Variants in CLK4 observed in about 807,000 individuals in gnomAD.
CLK4 encodes CDC like kinase 4, also known as dual specificity protein kinase CLK4.
In CLK4, 37 loss-of-function variants were observed where a neutral mutation model predicts 64.4. That is an observed-to-expected ratio of 0.57 (90% confidence interval 0.44 to 0.76). The LOEUF (loss-of-function observed/expected upper bound fraction) is 0.76. Among genes scored for constraint, CLK4 ranks in the 30% least tolerant of loss-of-function variants. The pLI is 0.00. For synonymous variants in CLK4, 175 were observed against 191.6 expected, an observed-to-expected ratio of 0.91 and a Z score of 0.72; for missense variants, 457 against 605.1, an observed-to-expected ratio of 0.76 and a Z score of 2.57.
At chr5:178,609,607 C>T (rs372161287) in intron 9 of CLK4, among the ~76,000 whole-genome samples, 2 of 151,908 alleles carry the variant, frequency 1.3e-5, no homozygotes, top group Admixed American at 6.6e-5. Flanking sequence ...GGCTTGAAAC[C>T]GGAAGGCAGA....
At position 178,617,272 on chromosome 5, in the gene CLK4, C is replaced by G. The variant is rs765645244; in HGVS notation, c.475+72G>C. ...AAGCAATGAAGAGTTCTTTAGCCCC[C>G]CGCTGACAAACTATTCTTAAAAAGA... On this transcript the variant is annotated intron_variant, in intron 4 of 12. Coordinates refer to ENST00000316308, the MANE Select transcript of CLK4 (RefSeq NM_020666.3). The surrounding 1 kb of genome is among the most constrained non-coding windows in gnomAD (Gnocchi z 5.2). 1 of 1,236,776 alleles carries G rather than the reference C, an allele frequency of 8.1e-7. No homozygotes were observed. The highest frequency in any genetic ancestry group is 1.2e-5 in the South Asian group (1 of 82,144). 76.6% of individuals were successfully genotyped at this position (1,236,776 alleles called of 1,614,324 possible). A position where few individuals can be genotyped will look rare whatever the true frequency, so the allele number is the denominator to read the frequency against.
chr5:178,626,227 T>G (rs1187588205), intron 1 of CLK4, among the ~76,000 whole-genome samples: 1 of 152,198 alleles, frequency 6.6e-6, no homozygotes, highest in Non-Finnish European at 1.5e-5. Context: ...ACAAAGTGGC[T>G]GGCGAGTTCA....
At position 178,623,374 on chromosome 5, in the gene CLK4, T is replaced by C; in HGVS notation, c.43A>G (p.Arg15Gly). 6.2e-7 allele frequency: 1 copy of C among 1,614,098 alleles called. No homozygotes were observed. Among genetic ancestry groups the C allele is most frequent in the Non-Finnish European group, 8.5e-7 (1 of 1,179,988 alleles). ...KRTHCPDWDS[R>G]ESWGHESYRG... ...TAGCTTTCATGTCCCCAGCTTTCTC[T>C]GCTATCCCAATCAGGACAGTGAGTT... Residue 15 changes from arginine to glycine, a missense_variant, in exon 2 of 13, where the codon AGA becomes GGA. Physicochemically the swap from Arg to Gly is moderately radical, Grantham distance 125 (BLOSUM62 -2). Transcript: ENST00000316308.
Position 178,617,021 on chromosome 5 carries a change from T to A in CLK4, c.476-73A>T. The A allele has an allele frequency of 2.0e-6, 2 of 980,998 alleles. No homozygotes were observed. Among genetic ancestry groups the A allele is most frequent in the Non-Finnish European group, 1.6e-6 (1 of 618,214 alleles). The allele number at this position is 980,998 out of a possible 1,614,324, so 60.8% of individuals were successfully genotyped here. Reference sequence around the variant, plus strand: ...TCTAGTTCTTCAAACAATGAATGCTTAAGTGTGGAATATTTTCAAATGATC... The same window carrying A: ...TCTAGTTCTTCAAACAATGAATGCTAAAGTGTGGAATATTTTCAAATGATC... On this transcript the variant is annotated intron_variant, in intron 4 of 12. Coordinates refer to ENST00000316308, the MANE Select transcript of CLK4 (RefSeq NM_020666.3). This position sits in a 1 kb window ranked among gnomAD's most constrained non-coding sequence, Gnocchi z 5.2.
In CLK4 at chr5:178,618,691, T is replaced by C. The variant is rs887560053; in HGVS notation, c.249A>G (p.Gly83=). The C allele has an allele frequency of 6.2e-7, 1 of 1,613,996 alleles. No homozygotes were observed. Among genetic ancestry groups the C allele is most frequent in the Non-Finnish European group, 8.5e-7 (1 of 1,179,894 alleles). ...VDEYRNDYCE[G]YVPRHYHRDI... Reference sequence around the variant, plus strand: ...CTCTGTGATAATGTCTAGGAACATATCCTTCACAGTAGTCATTCCTGTATT... The same window carrying C: ...CTCTGTGATAATGTCTAGGAACATACCCTTCACAGTAGTCATTCCTGTATT... The change falls in exon 3 of 13, where the codon GGA becomes GGG. Residue 83 remains glycine (G), a synonymous_variant. Coordinates refer to ENST00000316308, the MANE Select transcript of CLK4 (RefSeq NM_020666.3).
Position 178,617,179 on chromosome 5 carries a change from A to G in CLK4, c.475+165T>C. On this transcript the variant is annotated intron_variant, in intron 4 of 12. Transcript: ENST00000316308. The surrounding 1 kb of genome is among the most constrained non-coding windows in gnomAD (Gnocchi z 5.2). ...GATTATTTTGGAACTTTAGAATAGAAATATTTAAATTCTACAGAAAAGAAG... is the reference window on the plus strand; with the variant it reads ...GATTATTTTGGAACTTTAGAATAGAGATATTTAAATTCTACAGAAAAGAAG... 2 of 654,474 alleles carry G rather than the reference A, an allele frequency of 3.1e-6. 1 individual carries two copies. Among genetic ancestry groups the G allele is most frequent in the Admixed American group, 5.8e-5 (2 of 34,270 alleles). 40.5% of individuals were successfully genotyped at this position (654,474 alleles called of 1,614,324 possible). A position where few individuals can be genotyped will look rare whatever the true frequency, so the allele number is the denominator to read the frequency against.
At position 178,603,945 on chromosome 5, in the gene CLK4, A is replaced by T. The variant is rs532278823; in HGVS notation, c.1215-11T>A. ...AAATACTTGCGTTTTCTACAGAAAA[A>T]AAAAAAAAGTCTGGATTAGTAAAAT... On this transcript the variant is annotated splice_polypyrimidine_tract_variant and intron_variant, in intron 11 of 12. Transcript: ENST00000316308. 1 of 1,583,564 alleles carries T rather than the reference A, an allele frequency of 6.3e-7. No homozygotes were observed. The highest frequency in any genetic ancestry group is 1.9e-5 in the Admixed American group (1 of 52,962).
chr5:178,612,556 A>C lies in CLK4; in HGVS notation c.922-11T>G. 1 of 1,612,716 alleles carries C rather than the reference A, an allele frequency of 6.2e-7. No individual in the cohort carries two copies. The highest frequency in any genetic ancestry group is 8.5e-7 in the Non-Finnish European group (1 of 1,179,202). Reference sequence around the variant, plus strand: ...GCGTTCATCACGTTTCTAGAGAGACACAGTTGAGTAAACATGAAACTCAAT... The same window carrying C: ...GCGTTCATCACGTTTCTAGAGAGACCCAGTTGAGTAAACATGAAACTCAAT... On this transcript the variant is annotated splice_polypyrimidine_tract_variant and intron_variant, in intron 8 of 12. Transcript: ENST00000316308.
chr5:178,619,273 G>T (rs1322733482), intron 2 of CLK4, among the ~76,000 whole-genome samples: 4 of 152,158 alleles, frequency 2.6e-5, no homozygotes, highest in Non-Finnish European at 5.9e-5. Flanking sequence ...ACTACATTAA[G>T]ATCCCTAGAA....
At chr5:178,615,306 G>A (rs960305450) in intron 5 of CLK4, among the ~76,000 whole-genome samples, 1 of 152,206 alleles carries the variant, frequency 6.6e-6, no homozygotes, top group South Asian at 2.1e-4. Flanking sequence ...CTGCAGATTA[G>A]TTGGCAAAAT....
intron 9 of CLK4, among the ~76,000 whole-genome samples, chr5:178,610,747 TCTCTGTTATAAAAAACATAAAAATTAAAA>T (rs1385887136): frequency 6.6e-6 from 1 of 151,394 alleles, no homozygotes; most frequent in Non-Finnish European, 1.5e-5. Flanking sequence ...TGAGGCCCTG[TCTCTGTTATAAAAAACATAAAAATTAAAA>T]AAAAAAAATC....
At chr5:178,621,937 C>A (rs1293889477) in intron 2 of CLK4, 1 of 152,180 alleles carries the variant, frequency 6.6e-6, no homozygotes, top group East Asian at 1.9e-4. Context: ...TAAAAACACT[C>A]AAAGTTTTTG....
chr5:178,619,655 C>T, intron 2 of CLK4: 3 of 475,002 alleles, frequency 6.3e-6, no homozygotes, highest in Non-Finnish European at 9.9e-6. Context: ...TCTAGAGATC[C>T]CTTTGAAAAT....
At chr5:178,619,909 G>C (rs1366056847) in intron 2 of CLK4, 2 of 624,632 alleles carry the variant, frequency 3.2e-6, no homozygotes, top group Non-Finnish European at 5.2e-6. Flanking sequence ...GAGGGAGAGA[G>C]GGGACACCTG....
intron 9 of CLK4, among the ~76,000 whole-genome samples, chr5:178,609,615 A>G (rs776822703): frequency 1.3e-5 from 2 of 152,072 alleles, no homozygotes; most frequent in Non-Finnish European, 2.9e-5. Context: ...ACCGGAAGGC[A>G]GAGGTTGCAG....
chr5:178,612,210 C>G (rs1395667320), intron 9 of CLK4, among the ~76,000 whole-genome samples: 1 of 152,166 alleles, frequency 6.6e-6, no homozygotes, highest in Non-Finnish European at 1.5e-5. Flanking sequence ...AAATAACCAC[C>G]ACCTGGAATA....
At chr5:178,612,040 C>T (rs1178954045) in intron 9 of CLK4, among the ~76,000 whole-genome samples, 1 of 152,172 alleles carries the variant, frequency 6.6e-6, no homozygotes, top group East Asian at 1.9e-4. Context: ...ATCCTATATT[C>T]TAGACATCTG....
chr5:178,614,331 AAGAT>A lies in CLK4; in HGVS notation c.543-492_543-489del, dbSNP rs745805662. Among the ~76,000 whole-genome samples the A allele has an allele frequency of 2.3e-4, 35 of 152,336 alleles. No homozygotes were observed. The East Asian group carries it at 4.1e-3, about 18-fold the overall frequency. On this transcript the variant is annotated intron_variant, in intron 5 of 12. Transcript: ENST00000316308. ...GAGGTGACACAGAACTGAGTCCTGA[AAGAT>A]AGCTGGGAGTTTGTCAGATTGGGAA...
chr5:178,625,829 TCCC>T (rs1215643585), intron 1 of CLK4, among the ~76,000 whole-genome samples: 1 of 152,090 alleles, frequency 6.6e-6, no homozygotes, highest in East Asian at 1.9e-4. Flanking sequence ...GCCTCTGACC[TCCC>T]CCACTCACCC....
Sources: allele counts gnomAD v4.1 joint callset (sites outside exome capture counted in the v4.1 genomes callset), GRCh38; gene constraint gnomAD v4.1.1; non-coding constraint Gnocchi (gnomAD v3.1); transcripts MANE v1.5; gene names NCBI Gene and HGNC (gene_info 2026-07-23, HGNC 2026-07-21).